Variants in ZNF133 observed in about 807,000 individuals in gnomAD.
ZNF133 encodes the protein zinc finger protein 133 (clone pHZ-13).
A neutral mutation model predicts 54.9 loss-of-function variants in ZNF133; 26 were observed. That is an observed-to-expected ratio of 0.47 (90% confidence interval 0.35 to 0.66). ZNF133 has a LOEUF of 0.66. ZNF133 is among the 30% of genes least tolerant of loss of function. ZNF133 has a pLI of 0.01. For synonymous variants in ZNF133, 298 were observed against 320.3 expected, an observed-to-expected ratio of 0.93 and a Z score of 0.74; for missense variants, 653 against 820.8, an observed-to-expected ratio of 0.80 and a Z score of 2.50.
chr20:18,307,191 G>A (rs997272319), intron 6 of ZNF133, among the ~76,000 whole-genome samples: 1 of 152,054 alleles, frequency 6.6e-6, no homozygotes, highest in Non-Finnish European at 1.5e-5. Flanking sequence ...AGAAAAAATA[G>A]TCTTTAACTT....
intron 6 of ZNF133, chr20:18,313,085 C>A (rs1218135952): frequency 6.6e-6 from 1 of 152,030 alleles, no homozygotes; most frequent in Non-Finnish European, 1.5e-5. Flanking sequence ...TCTCTATAAA[C>A]CTATCAGTGC....
intron 3 of ZNF133, among the ~76,000 whole-genome samples, chr20:18,303,773 C>A (rs1480004016): frequency 6.6e-6 from 1 of 152,176 alleles, no homozygotes; most frequent in South Asian, 2.1e-4. Flanking sequence ...TTACCTAACA[C>A]CATATACGCA....
chr20:18,293,090 G>A (rs1254765430), intron 1 of ZNF133, among the ~76,000 whole-genome samples: 4 of 152,282 alleles, frequency 2.6e-5, no homozygotes, highest in Admixed American at 1.3e-4. Context: ...GAGAGAGGGC[G>A]CAGTATGTCA....
rs1194711205 is a variant in ZNF133 at position 18,305,114 on chromosome 20, G to C, written c.-71G>C. ...AATTTTTGGACTGAGTGGCCAAGAA[G>C]CTCCATGGTGAGCACTCACAGTCTA... On this transcript the variant is annotated 5_prime_UTR_variant, in exon 4 of 7. Transcript: ENST00000425686. The surrounding 1 kb of genome is among the most constrained non-coding windows in gnomAD (Gnocchi z 4.7). The C allele has an allele frequency of 1.0e-6, 1 of 985,576 alleles. No homozygotes were observed. Among genetic ancestry groups the C allele is most frequent in the African/African-American group, 1.7e-5 (1 of 57,226 alleles). The allele number at this position is 985,576 out of a possible 1,614,324, so 61.1% of individuals were successfully genotyped here.
intron 3 of ZNF133, among the ~76,000 whole-genome samples, chr20:18,303,892 C>T (rs1044809929): frequency 4.6e-5 from 7 of 152,104 alleles, no homozygotes; most frequent in Non-Finnish European, 1.0e-4. Context: ...GTGATGATTT[C>T]TTGGAAATGA....
intron 1 of ZNF133, among the ~76,000 whole-genome samples, chr20:18,291,881 T>C (rs1279235158): frequency 6.6e-6 from 1 of 152,162 alleles, no homozygotes; most frequent in Non-Finnish European, 1.5e-5. Flanking sequence ...TTGGATATCT[T>C]ATGGGCATCC....
intron 5 of ZNF133, 61 bp from the exon 6 acceptor site, chr20:18,306,237 A>C: frequency 6.6e-7 from 1 of 1,516,228 alleles, no homozygotes; most frequent in South Asian, 1.2e-5. Flanking sequence ...TTTAGCTTTG[A>C]ATTCTTGAAT....
chr20:18,288,848 T>G (rs1426424673), intron 1 of ZNF133, among the ~76,000 whole-genome samples: 1 of 152,068 alleles, frequency 6.6e-6, no homozygotes. Flanking sequence ...TGGATGGTGA[T>G]GAGTGGGGGA....
At chr20:18,302,966 CAT>C (rs1241962821) in intron 3 of ZNF133, among the ~76,000 whole-genome samples, 4 of 151,134 alleles carry the variant, frequency 2.6e-5, no homozygotes, top group African/African-American at 9.7e-5. Flanking sequence ...AGATGAAAGA[CAT>C]ACACTGAAAA....
chr20:18,290,388 T>G (rs1244656050), intron 1 of ZNF133, among the ~76,000 whole-genome samples: 1 of 152,218 alleles, frequency 6.6e-6, no homozygotes, highest in Admixed American at 6.5e-5. Flanking sequence ...TCTCACTTAC[T>G]CTTTTCCCTG....
At chr20:18,298,160 C>A (rs1243024522) in intron 2 of ZNF133, 98 bp downstream of exon 2, 2 of 1,523,830 alleles carry the variant, frequency 1.3e-6, no homozygotes, top group Non-Finnish European at 1.8e-6. Flanking sequence ...AGTTCAGCTC[C>A]AATTCCTCTT....
rs540134346 is a variant in ZNF133 at position 18,316,261 on chromosome 20, C to T, written c.1410C>T (p.Asp470=). 10 of 1,609,830 alleles carry T rather than the reference C, an allele frequency of 6.2e-6. No homozygotes were observed. The highest frequency in any genetic ancestry group is 8.5e-6 in the Non-Finnish European group (10 of 1,178,180). Reference sequence around the variant, plus strand: ...GAGAGAAGCCCATTGTGTGCAAGGACTGTGGCCGGGGCTTCAGCCAGCAAT... The same window carrying T: ...GAGAGAAGCCCATTGTGTGCAAGGATTGTGGCCGGGGCTTCAGCCAGCAAT... ...HSGEKPIVCK[D]CGRGFSQQSN... is the part of the protein sequence containing the mutation. Residue 470 remains aspartate (D), a synonymous_variant, in exon 7 of 7, where the codon GAC becomes GAT. Transcript: ENST00000425686.
At chr20:18,309,636 A>G (rs1446424423) in intron 6 of ZNF133, among the ~76,000 whole-genome samples, 2 of 152,202 alleles carry the variant, frequency 1.3e-5, no homozygotes, top group African/African-American at 2.4e-5. Context: ...AGCCCTGTGG[A>G]GCACCCTGAG....
In ZNF133 at chr20:18,316,522, G is replaced by A; in HGVS notation, c.1671G>A (p.Leu557=). The part of the protein sequence containing the change: ...EKPYMCRQCG[L]GFGNKSALIT... Reference sequence around the variant, plus strand: ...CCTACATGTGCAGGCAGTGTGGACTGGGCTTTGGCAATAAGTCAGCTCTAA... The same window carrying A: ...CCTACATGTGCAGGCAGTGTGGACTAGGCTTTGGCAATAAGTCAGCTCTAA... Residue 557 remains leucine, a synonymous_variant, in exon 7 of 7, where the codon CTG becomes CTA. Transcript: ENST00000425686. 6.2e-7 allele frequency: 1 copy of A among 1,614,044 alleles called. No individual in the cohort carries two copies. Among genetic ancestry groups the A allele is most frequent in the Non-Finnish European group, 8.5e-7 (1 of 1,179,892 alleles).
Position 18,292,470 on chromosome 20 carries a change from T to G in ZNF133, c.-432+3866T>G, listed in dbSNP as rs573770725. On this transcript the variant is annotated intron_variant, in intron 1 of 6. Transcript: ENST00000425686. ...CTTGCATCAGGGCCTTTGCACTGAC[T>G]GTTCTCTTGCCCTAGATGTTCTTTT... Among the ~76,000 whole-genome samples the G allele has an allele frequency of 2.0e-5, 3 of 152,332 alleles. No individual in the cohort carries two copies. In the East Asian group the frequency reaches 5.8e-4, roughly 29 times the overall value.
At chr20:18,291,007 A>C (rs901589903) in intron 1 of ZNF133, among the ~76,000 whole-genome samples, 4 of 152,124 alleles carry the variant, frequency 2.6e-5, no homozygotes, top group African/African-American at 9.7e-5. Flanking sequence ...CACACCAATA[A>C]TCCCAGCTAT....
At chr20:18,298,104 A>T in intron 2 of ZNF133, 42 bp downstream of exon 2, 1 of 1,535,214 alleles carries the variant, frequency 6.5e-7, no homozygotes, top group Non-Finnish European at 8.7e-7. Flanking sequence ...AACAGGATGG[A>T]CACATTCCCT....
At chr20:18,306,536 C>G (rs2044652956) in intron 6 of ZNF133, 143 bp downstream of exon 6, 4 of 934,732 alleles carry the variant, frequency 4.3e-6, no homozygotes, top group African/African-American at 1.7e-5. Context: ...GACACGGCCT[C>G]CCTTCCAGAT....
intron 3 of ZNF133, among the ~76,000 whole-genome samples, chr20:18,300,777 C>T (rs925816833): frequency 9.9e-5 from 15 of 151,978 alleles, no homozygotes; most frequent in Middle Eastern, 3.2e-3. Flanking sequence ...AAATTATACA[C>T]ATATACCTCA....
Sources: gnomAD v4.1 joint callset for allele counts (sites outside exome capture counted in the v4.1 genomes callset) on GRCh38, gnomAD v4.1.1 for gene constraint, Gnocchi (gnomAD v3.1) non-coding constraint, MANE v1.5 for transcripts, NCBI Gene and HGNC (gene_info 2026-07-23, HGNC 2026-07-21) for gene names.